The following GP6 variants were observed in gnomAD, a reference collection of about 807,000 sequenced individuals.
GP6 encodes the protein glycoprotein VI platelet.
A neutral mutation model predicts 37.3 loss-of-function variants in GP6; 45 were observed. That is an observed-to-expected ratio of 1.21 (90% CI 0.95 to 1.55). The LOEUF is 1.55. Among genes scored for constraint, GP6 ranks in the 40% most tolerant of loss-of-function variants. The probability of loss-of-function intolerance (pLI) is 0.00; values close to 1 mark genes in which losing one functional copy is unlikely to be tolerated. For synonymous variants in GP6, 340 were observed against 316.4 expected, an observed-to-expected ratio of 1.07 and a Z score of -0.79; for missense variants, 813 against 760.2, an observed-to-expected ratio of 1.07 and a Z score of -0.82.
intron 3 of GP6, among the ~76,000 whole-genome samples, chr19:55,031,433 C>CA (rs2074556059): frequency 6.6e-6 from 1 of 152,096 alleles, no homozygotes; most frequent in East Asian, 1.9e-4. Flanking sequence ...GGCAGTGTAG[C>CA]AAGACCCCAT....
Position 55,032,241 on chromosome 19 carries a change from T to C in GP6, c.223A>G (p.Ile75Val). ...GCCAGACTTCTCTTCATGGCCGGGA[T>C]GAAGAGGACTGCCTGATCCTGGTAC... The change falls in exon 3 of 8, where the codon ATC (isoleucine) becomes GTC (valine). Residue 75 changes from isoleucine (I) to valine (V), a missense_variant. Ile to Val is a conservative substitution (Grantham distance 29). Transcript: ENST00000310373. 1.2e-6 allele frequency: 2 copies of C among 1,614,088 alleles called. No homozygotes were observed. The highest frequency in any genetic ancestry group is 1.7e-6 in the Non-Finnish European group (2 of 1,179,988).
intron 3 of GP6, among the ~76,000 whole-genome samples, chr19:55,028,302 A>G (rs1328442847): frequency 6.6e-6 from 1 of 152,238 alleles, no homozygotes; most frequent in East Asian, 1.9e-4. Context: ...TGTGGCTGAC[A>G]GTGCTAGCTT....
intron 4 of GP6, among the ~76,000 whole-genome samples, chr19:55,025,708 A>G (rs1477065345): frequency 6.6e-6 from 1 of 150,838 alleles, no homozygotes; most frequent in Non-Finnish European, 1.5e-5. Flanking sequence ...TCCATCTGAA[A>G]AAAAAAGGCT....
In GP6 at chr19:55,024,369, C is replaced by T. The variant is rs574454542; in HGVS notation, c.664+849G>A. Among the ~76,000 whole-genome samples the T allele has an allele frequency of 9.2e-5, 14 of 152,172 alleles. No individual in the cohort carries two copies. In the South Asian group the frequency reaches 2.3e-3, roughly 25 times the overall value. On this transcript the variant is annotated intron_variant, in intron 5 of 7. Transcript: ENST00000310373. The stretch of plus-strand genomic sequence containing the variant: ...ACATGCACGCACACACACATATGCA[C>T]GCACACAGTATGTGACCATCTTCCA...
intron 5 of GP6, among the ~76,000 whole-genome samples, chr19:55,021,975 G>A (rs2074104399): frequency 6.6e-6 from 1 of 151,670 alleles, no homozygotes; most frequent in African/African-American, 2.4e-5. Context: ...GACTGTTCAT[G>A]TCCTTTACCC....
intron 5 of GP6, among the ~76,000 whole-genome samples, chr19:55,024,756 C>G (rs535233009): frequency 6.6e-6 from 1 of 152,130 alleles, no homozygotes; most frequent in South Asian, 2.1e-4. Context: ...GAAGCAGAAG[C>G]CCTGGGGGCT....
At chr19:55,025,818 A>G (rs781244652) in intron 4 of GP6, among the ~76,000 whole-genome samples, 7 of 152,090 alleles carry the variant, frequency 4.6e-5, no homozygotes, top group African/African-American at 4.8e-5. Flanking sequence ...CCTGGCCAAC[A>G]TGGTGAAACC....
At chr19:55,024,865 A>C (rs1210583044) in intron 5 of GP6, among the ~76,000 whole-genome samples, 1 of 146,382 alleles carries the variant, frequency 6.8e-6, no homozygotes, top group Non-Finnish European at 1.5e-5. Context: ...AGAGTCCCGG[A>C]CTCTACAGGT....
Position 55,025,245 on chromosome 19 carries a change from G to A in GP6, c.637C>T (p.Pro213Ser), listed in dbSNP as rs1394501348. The A allele has an allele frequency of 6.5e-7, 1 of 1,548,752 alleles. No homozygotes were observed. The highest frequency in any genetic ancestry group is 1.4e-5 in the African/African-American group (1 of 73,120). ...GCTACCGGGGAAGGTGGTTCTGTTGGTAACCGGCTGGGGGTCACAGAGGTT... is the reference window on the plus strand; with the variant it reads ...GCTACCGGGGAAGGTGGTTCTGTTGATAACCGGCTGGGGGTCACAGAGGTT... Residue 213 changes from proline (P) to serine (S), a missense_variant, in exon 5 of 8, where the codon CCA becomes TCA. Coordinates refer to ENST00000310373, the MANE Select transcript of GP6 (RefSeq NM_001083899.2).
chr19:55,029,372 ATATTTTTTTTTTTTTTTTTTTTTT>A (rs2074470610), intron 3 of GP6, among the ~76,000 whole-genome samples: 1 of 2,844 alleles, frequency 3.5e-4, no homozygotes, highest in African/African-American at 1.2e-3. Context: ...ATATATATAT[ATATTTTTTTTTTTTTTTTTTTTTT>A]TTTTTTTTTT....
chr19:55,021,201 GAA>G (rs71181727), intron 5 of GP6, among the ~76,000 whole-genome samples: 1 of 127,406 alleles, frequency 7.8e-6, no homozygotes, highest in Non-Finnish European at 1.6e-5. Context: ...TCTACTAAAA[GAA>G]AAAAAAAAAA....
chr19:55,034,166 G>GTGTGTC (rs2074731922), intron 1 of GP6, among the ~76,000 whole-genome samples: 1 of 149,186 alleles, frequency 6.7e-6, no homozygotes, highest in African/African-American at 2.6e-5. Flanking sequence ...GTGTGTGTGT[G>GTGTGTC]TGTGTGTGTG....
rs1029492268 is a variant in GP6, at chr19:55,014,101, A to G, written c.1844T>C (p.Met615Thr). ...CTATGATCAAATCAGGGTAATTGAC[A>G]TATTCATCCCTGTATTTTTTGAGAC... is the stretch of plus-strand genomic sequence containing the variant. Residue 615 changes from methionine (M) to threonine (T), a missense_variant, in exon 8 of 8, where the codon ATG (methionine) becomes ACG (threonine). Met to Thr is a moderately conservative substitution (Grantham distance 81). Coordinates refer to ENST00000310373, the MANE Select transcript of GP6 (RefSeq NM_001083899.2). 51 of 671,292 alleles carry G rather than the reference A, an allele frequency of 7.6e-5. 1 individual carries two copies. Among genetic ancestry groups the G allele is most frequent in the Non-Finnish European group, 1.1e-4 (40 of 365,378 alleles). 41.6% of individuals were successfully genotyped at this position (671,292 alleles called of 1,614,324 possible). A position where few individuals can be genotyped will look rare whatever the true frequency, so the allele number is the denominator to read the frequency against.
rs770751968 is a variant in GP6 at position 55,014,944 on chromosome 19, G to A, written c.1001C>T (p.Ser334Leu). 6.2e-7 allele frequency: 1 copy of A among 1,612,822 alleles called. No homozygotes were observed. Among genetic ancestry groups the A allele is most frequent in the African/African-American group, 1.3e-5 (1 of 74,946 alleles). The stretch of plus-strand genomic sequence containing the variant: ...GGTCATGAACATAACCCGCGGCTGT[G>A]AACATCCTGTCGGCCTCCATCCTGA... The change falls in exon 8 of 8, where the codon TCA becomes TTA. Residue 334 changes from serine to leucine, a missense_variant. Physicochemically the swap from Ser to Leu is moderately radical, Grantham distance 145 (BLOSUM62 -2). Coordinates refer to ENST00000310373, the MANE Select transcript of GP6 (RefSeq NM_001083899.2).
intron 6 of GP6, 112 bp downstream of exon 6, chr19:55,018,540 A>G: frequency 1.3e-6 from 1 of 795,234 alleles, no homozygotes. Flanking sequence ...CTTTCTTGGT[A>G]AGAGACGGAC....
intron 1 of GP6, among the ~76,000 whole-genome samples, chr19:55,033,881 G>A (rs1237882602): frequency 6.6e-6 from 1 of 152,046 alleles, no homozygotes; most frequent in Non-Finnish European, 1.5e-5. Context: ...TACAACATTT[G>A]CTTGAATCAG....
intron 3 of GP6, among the ~76,000 whole-genome samples, chr19:55,030,707 G>C (rs191156998): frequency 2.6e-5 from 4 of 151,958 alleles, no homozygotes; most frequent in African/African-American, 9.6e-5. Context: ...CACCAATCAA[G>C]AGTCTAAGGA....
At chr19:55,036,179 C>T (rs573649056) in intron 1 of GP6, among the ~76,000 whole-genome samples, 1 of 151,942 alleles carries the variant, frequency 6.6e-6, no homozygotes, top group South Asian at 2.1e-4. Context: ...TATATTCTCA[C>T]TTATAAGTGA....
At chr19:55,033,789 GCT>G (rs1236319036) in intron 1 of GP6, among the ~76,000 whole-genome samples, 8 of 152,134 alleles carry the variant, frequency 5.3e-5, no homozygotes, top group Non-Finnish European at 1.2e-4. Flanking sequence ...GATGCATTGG[GCT>G]CCAAGGATGG....
Sources: gnomAD v4.1 joint callset for allele counts (sites outside exome capture counted in the v4.1 genomes callset) on GRCh38, gnomAD v4.1.1 for gene constraint, MANE v1.5 for transcripts, NCBI Gene and HGNC (gene_info 2026-07-23, HGNC 2026-07-21) for gene names.